The following DAB1 variants were observed in gnomAD, a reference collection of about 807,000 sequenced individuals.
DAB1 encodes disabled homolog 1.
A neutral mutation model predicts 64.6 loss-of-function variants in DAB1; 15 were observed. That is an observed-to-expected ratio of 0.23 (90% CI 0.16 to 0.36). The LOEUF is 0.36. Among genes scored for constraint, DAB1 ranks in the 10% least tolerant of loss-of-function variants. DAB1 has a pLI of 1.00. For synonymous variants in DAB1, 235 were observed against 251.9 expected, an observed-to-expected ratio of 0.93 and a Z score of 0.64; for missense variants, 596 against 706.7, an observed-to-expected ratio of 0.84 and a Z score of 1.78.
chr1:57,821,796 C>T (rs1359876432), downstream of DAB1, among the ~76,000 whole-genome samples: 1 of 151,918 alleles, frequency 6.6e-6, no homozygotes, highest in Non-Finnish European at 1.5e-5. Flanking sequence ...ATCATCGTCA[C>T]CTTCTTCCAT....
At chr1:57,881,908 A>G (rs894595823) in intron 1 of DAB1, among the ~76,000 whole-genome samples, 3 of 152,226 alleles carry the variant, frequency 2.0e-5, no homozygotes, top group African/African-American at 7.2e-5. Flanking sequence ...CATGTGATAA[A>G]TATGCTGGCT....
intron 6 of DAB1, among the ~76,000 whole-genome samples, chr1:57,801,694 G>T (rs1651132423): frequency 6.6e-6 from 1 of 151,732 alleles, no homozygotes; most frequent in Admixed American, 6.6e-5. Context: ...ATCTTACTGT[G>T]TTGCCCAGGC....
At chr1:57,472,624 G>C (rs12752905) in intron 7 of DAB1, among the ~76,000 whole-genome samples, 58,563 of 147,114 alleles carry the variant, frequency 0.4, 11,867 homozygotes, top group Non-Finnish European at 0.46. Context: ...TCACATACCC[G>C]CTGCTTGCTC....
chr1:58,064,939 T>G (rs1227423034), intron 5 of DAB1, among the ~76,000 whole-genome samples: 1 of 151,988 alleles, frequency 6.6e-6, no homozygotes, highest in African/African-American at 2.4e-5. Context: ...CTCAATCTCC[T>G]GACCTCGTGA....
At chr1:57,790,888 C>T (rs1455031816) in intron 6 of DAB1, among the ~76,000 whole-genome samples, 1 of 152,148 alleles carries the variant, frequency 6.6e-6, no homozygotes, top group Non-Finnish European at 1.5e-5. Flanking sequence ...CACACTCACA[C>T]TCACATGCAT....
chr1:57,910,342 G>A (rs76926361), intron 5 of DAB1, among the ~76,000 whole-genome samples: 1 of 152,290 alleles, frequency 6.6e-6, no homozygotes, highest in African/African-American at 2.4e-5. Flanking sequence ...AAATACTGCA[G>A]AATTGATTCT....
intron 1 of DAB1, among the ~76,000 whole-genome samples, chr1:57,828,834 G>C (rs1652467060): frequency 6.6e-6 from 1 of 152,120 alleles, no homozygotes; most frequent in South Asian, 2.1e-4. Flanking sequence ...TTAGAAAAAA[G>C]GCTGAGAGGA....
chr1:57,436,197 G>A (rs902788074), intron 7 of DAB1, among the ~76,000 whole-genome samples: 5 of 152,226 alleles, frequency 3.3e-5, no homozygotes, highest in East Asian at 3.9e-4. Context: ...GATTACAGGC[G>A]TGAGCCACCA....
At chr1:58,201,048 G>A (rs1023652542) in intron 4 of DAB1, among the ~76,000 whole-genome samples, 9 of 148,378 alleles carry the variant, frequency 6.1e-5, no homozygotes, top group Admixed American at 1.3e-4. Flanking sequence ...ATGGAGTCTC[G>A]CTCTGTCGCC....
intron 4 of DAB1, among the ~76,000 whole-genome samples, chr1:58,303,129 C>A (rs12037299): frequency 0.022 from 3,373 of 152,226 alleles, 184 homozygotes; most frequent in East Asian, 0.21. Context: ...CCCAGGACTC[C>A]AGCTTTCATC....
chr1:57,736,858 A>C (rs2101783210), intron 6 of DAB1, among the ~76,000 whole-genome samples: 1 of 152,294 alleles, frequency 6.6e-6, no homozygotes, highest in East Asian at 1.9e-4. Context: ...CAGTTGTGTC[A>C]GTCAATATCC....
chr1:58,131,716 C>T (rs1057230502), intron 5 of DAB1, among the ~76,000 whole-genome samples: 4 of 144,478 alleles, frequency 2.8e-5, no homozygotes, highest in Non-Finnish European at 4.5e-5. Flanking sequence ...AGTACCCTGC[C>T]GTGTGAGGTG....
chr1:57,944,792 A>C (rs1008395121), intron 5 of DAB1, among the ~76,000 whole-genome samples: 1 of 151,756 alleles, frequency 6.6e-6, no homozygotes, highest in Non-Finnish European at 1.5e-5. Context: ...TACCTGGTCC[A>C]CTCCTTGGCT....
chr1:57,917,361 T>A (rs927625439), intron 5 of DAB1, among the ~76,000 whole-genome samples: 1 of 152,008 alleles, frequency 6.6e-6, no homozygotes, highest in Admixed American at 6.6e-5. Context: ...GGGCTTGGAG[T>A]CTAATGAATC....
intron 7 of DAB1, among the ~76,000 whole-genome samples, chr1:57,507,899 T>C (rs1393522536): frequency 6.6e-6 from 1 of 152,142 alleles, no homozygotes; most frequent in East Asian, 1.9e-4. Flanking sequence ...TCCAATAAAT[T>C]TCTACCACAA....
chr1:57,792,136 C>T (rs12086654), intron 6 of DAB1, among the ~76,000 whole-genome samples: 2,442 of 152,228 alleles, frequency 0.016, 66 homozygotes, highest in African/African-American at 0.057. Flanking sequence ...GCTTATTTAT[C>T]TCTCTCCTTA....
At chr1:57,191,236 A>G (rs1307069750) in intron 2 of DAB1, among the ~76,000 whole-genome samples, 1 of 152,164 alleles carries the variant, frequency 6.6e-6, no homozygotes, top group Non-Finnish European at 1.5e-5. Flanking sequence ...TATTTCTTCA[A>G]GTTATTATCC....
chr1:58,075,834 C>T (rs1649602853), intron 5 of DAB1, among the ~76,000 whole-genome samples: 1 of 152,120 alleles, frequency 6.6e-6, no homozygotes, highest in Non-Finnish European at 1.5e-5. Flanking sequence ...TTGTGAATCT[C>T]TCTGTTTTTC....
chr1:58,033,483 G>C (rs908656922), intron 5 of DAB1, among the ~76,000 whole-genome samples: 1 of 152,134 alleles, frequency 6.6e-6, no homozygotes, highest in East Asian at 1.9e-4. Flanking sequence ...GTTTCCTATC[G>C]GGAATATGAC....
Sources: gnomAD v4.1 joint callset for allele counts (sites outside exome capture counted in the v4.1 genomes callset) on GRCh38, gnomAD v4.1.1 for gene constraint, MANE v1.5 for transcripts, NCBI Gene and HGNC (gene_info 2026-07-23, HGNC 2026-07-21) for gene names.